The following AMPH variants were observed in gnomAD, a reference collection of about 807,000 sequenced individuals.
AMPH encodes amphiphysin (Stiff-Mann syndrome with breast cancer 128kD autoantigen).
A neutral mutation model predicts 99.1 loss-of-function variants in AMPH; 49 were observed. The observed-to-expected ratio is 0.49, with a 90% CI of 0.39 to 0.63. The LOEUF is 0.63. AMPH is among the 20% of genes least tolerant of loss of function. The pLI, the probability that AMPH is intolerant of heterozygous loss-of-function variation, is 0.00. For synonymous variants in AMPH, 314 were observed against 317.3 expected (o/e 0.99, Z 0.11); for missense variants, 759 against 863.4 (o/e 0.88, Z 1.52).
In AMPH at chr7:38,407,062, A is replaced by C. The variant is rs1165652986; in HGVS notation, c.1398+10763T>G. On this transcript the variant is annotated intron_variant, in intron 17 of 20. Transcript: ENST00000356264. ...TCTCTCTCTCTCTATATATATATAT[A>C]TATATATATATATATGTGTGTGTGT... is the stretch of plus-strand genomic sequence containing the variant. 7.4e-3 allele frequency among the ~76,000 whole-genome samples: 144 copies of C among 19,376 alleles called. 9 individuals are homozygous for C. The East Asian group carries it at 0.15, about 20-fold the overall frequency. 12.7% of individuals were successfully genotyped at this position (19,376 alleles called of 152,430 possible). A position where few individuals can be genotyped will look rare whatever the true frequency, so the allele number is the denominator to read the frequency against.
In AMPH at chr7:38,449,367, C is replaced by T. The variant is rs2284252; in HGVS notation, c.1017+11916G>A. Among the ~76,000 whole-genome samples, 28 of 152,224 alleles carry T rather than the reference C, an allele frequency of 1.8e-4. No individual in the cohort carries two copies. The South Asian group carries it at 3.9e-3, about 21-fold the overall frequency. On this transcript the variant is annotated intron_variant, in intron 11 of 20. Transcript: ENST00000356264. Reference sequence around the variant, plus strand: ...GGAGAGGCAAGGTTCAGCAGAAAGACGGCAGGTTTGCTCTTCTAGAAAGTA... The same window carrying T: ...GGAGAGGCAAGGTTCAGCAGAAAGATGGCAGGTTTGCTCTTCTAGAAAGTA...
chr7:38,467,555 G>T (rs920627523), intron 7 of AMPH, among the ~76,000 whole-genome samples: 1 of 151,976 alleles, frequency 6.6e-6, no homozygotes, highest in Non-Finnish European at 1.5e-5. Context: ...CATGCACAGT[G>T]GTAGGTGAAC....
chr7:38,582,962 TA>T (rs1464931593), intron 1 of AMPH, among the ~76,000 whole-genome samples: 2 of 152,216 alleles, frequency 1.3e-5, no homozygotes, highest in African/African-American at 4.8e-5. Context: ...TATTTTTGTC[TA>T]AGGGGAAATT....
At chr7:38,575,813 G>A (rs1472899538) in intron 1 of AMPH, among the ~76,000 whole-genome samples, 1 of 152,046 alleles carries the variant, frequency 6.6e-6, no homozygotes, top group Admixed American at 6.6e-5. Context: ...TCCACCTCTC[G>A]ATCGCTGCCC....
intron 1 of AMPH, among the ~76,000 whole-genome samples, chr7:38,554,313 T>C (rs1407908469): frequency 6.6e-6 from 1 of 152,228 alleles, no homozygotes; most frequent in Non-Finnish European, 1.5e-5. Context: ...TCCATGTGTA[T>C]GTCTCAGAAG....
chr7:38,475,608 G>C (rs752333260), intron 6 of AMPH, among the ~76,000 whole-genome samples, 192 bp from the exon 7 acceptor site: 1 of 152,122 alleles, frequency 6.6e-6, no homozygotes, highest in Non-Finnish European at 1.5e-5. Flanking sequence ...ACTGGAAACC[G>C]GATTGATTAC....
intron 1 of AMPH, among the ~76,000 whole-genome samples, chr7:38,612,560 T>C (rs1471451540): frequency 6.6e-6 from 1 of 152,184 alleles, no homozygotes; most frequent in East Asian, 1.9e-4. Context: ...AGATTATCCA[T>C]ATGAAAGAAG....
At chr7:38,587,949 T>TGTGTGTGTGTGTGTGC (rs931620644) in intron 1 of AMPH, among the ~76,000 whole-genome samples, 2 of 146,086 alleles carry the variant, frequency 1.4e-5, no homozygotes, top group Admixed American at 1.4e-4. Flanking sequence ...TGTGTGTGTG[T>TGTGTGTGTGTGTGTGC]GCGCGTGTGT....
chr7:38,554,605 A>G (rs980194054), intron 1 of AMPH, among the ~76,000 whole-genome samples: 34 of 152,252 alleles, frequency 2.2e-4, no homozygotes, highest in African/African-American at 7.2e-4. Flanking sequence ...AGTTAGTTAA[A>G]TATATTACTG....
At chr7:38,437,387 G>A (rs1336835822) in intron 11 of AMPH, among the ~76,000 whole-genome samples, 1 of 151,944 alleles carries the variant, frequency 6.6e-6, no homozygotes, top group Admixed American at 6.6e-5. Context: ...TCAAACCAAT[G>A]GGTAAAGTAT....
intron 16 of AMPH, among the ~76,000 whole-genome samples, chr7:38,421,475 C>T (rs914268320): frequency 6.6e-6 from 1 of 152,192 alleles, no homozygotes; most frequent in East Asian, 1.9e-4. Context: ...AGAGACTCTG[C>T]CTTTCAGCTG....
intron 1 of AMPH, among the ~76,000 whole-genome samples, chr7:38,607,337 G>C (rs977422383): frequency 6.6e-6 from 1 of 152,100 alleles, no homozygotes; most frequent in Non-Finnish European, 1.5e-5. Flanking sequence ...TTCTTATTAC[G>C]AGCTCCACTT....
chr7:38,602,677 T>C (rs899354405), intron 1 of AMPH, among the ~76,000 whole-genome samples: 1 of 152,206 alleles, frequency 6.6e-6, no homozygotes, highest in African/African-American at 2.4e-5. Context: ...GTCTCTTTTG[T>C]CAGGTAAGGC....
rs1279945022 is a variant in AMPH, at chr7:38,457,149, G to C, written c.1017+4134C>G. Among the ~76,000 whole-genome samples the C allele has an allele frequency of 5.9e-5, 9 of 152,108 alleles. No individual in the cohort carries two copies. In the East Asian group the frequency reaches 1.7e-3, roughly 29 times the overall value. On this transcript the variant is annotated intron_variant, in intron 11 of 20. Coordinates refer to ENST00000356264, the MANE Select transcript of AMPH (RefSeq NM_001635.4). ...AAGAATTGGAAGAAGCAACCAGATT[G>C]GAAATTGGAAGTTATACCAGATGCA...
Position 38,534,914 on chromosome 7 carries a change from T to G in AMPH, c.150+17A>C, listed in dbSNP as rs779713294. 3 of 1,609,242 alleles carry G rather than the reference T, an allele frequency of 1.9e-6. No individual in the cohort carries two copies. In the African/African-American group the frequency reaches 4.0e-5, roughly 22 times the overall value. On this transcript the variant is annotated intron_variant, in intron 2 of 20. Coordinates refer to ENST00000356264, the MANE Select transcript of AMPH (RefSeq NM_001635.4). Reference sequence around the variant, plus strand: ...TTAAACAATTTCCCACTCCAGAAACTAAACAAATGGACTCACTTCTTGCCG... The same window carrying G: ...TTAAACAATTTCCCACTCCAGAAACGAAACAAATGGACTCACTTCTTGCCG...
intron 1 of AMPH, among the ~76,000 whole-genome samples, chr7:38,610,599 A>C (rs577046424): frequency 6.6e-6 from 1 of 152,106 alleles, no homozygotes; most frequent in South Asian, 2.1e-4. Flanking sequence ...TTTTACTTGC[A>C]CTATCTACTA....
intron 2 of AMPH, among the ~76,000 whole-genome samples, chr7:38,534,613 CT>C (rs1156638481): frequency 6.6e-6 from 1 of 152,128 alleles, no homozygotes; most frequent in Non-Finnish European, 1.5e-5. Flanking sequence ...GATGTTGAGG[CT>C]GAAGTGAGCC....
chr7:38,492,392 CT>C (rs1788754516), intron 4 of AMPH, among the ~76,000 whole-genome samples: 1 of 152,190 alleles, frequency 6.6e-6, no homozygotes, highest in African/African-American at 2.4e-5. Flanking sequence ...ACTTGGGCCC[CT>C]CATACTTGTG....
intron 1 of AMPH, among the ~76,000 whole-genome samples, chr7:38,536,318 A>G (rs1790597402): frequency 6.6e-6 from 1 of 152,152 alleles, no homozygotes; most frequent in African/African-American, 2.4e-5. Flanking sequence ...AATAAACAAT[A>G]CACATCCCTT....
Sources: gnomAD v4.1 joint callset for allele counts (sites outside exome capture counted in the v4.1 genomes callset) on GRCh38, gnomAD v4.1.1 for gene constraint, MANE v1.5 for transcripts, NCBI Gene and HGNC (gene_info 2026-07-23, HGNC 2026-07-21) for gene names.